Variants in PCDHGB3 observed in about 807,000 individuals in gnomAD.
PCDHGB3 encodes the protein protocadherin gamma subfamily B, 3, also known as protocadherin gamma-B3.
PCDHGB3 carries 40 observed loss-of-function variants against 59.2 expected under a neutral mutation model. That is an observed-to-expected ratio of 0.68 (90% CI 0.52 to 0.88). PCDHGB3 has a LOEUF of 0.88. Ranked by LOEUF, PCDHGB3 falls within the 40% of genes least tolerant of loss-of-function variation. The pLI, the probability that PCDHGB3 is intolerant of heterozygous loss-of-function variation, is 0.00. For synonymous variants in PCDHGB3, 581 were observed against 503.6 expected (o/e 1.15, Z -2.06); for missense variants, 1,309 against 1,187.9 (o/e 1.10, Z -1.50).
In PCDHGB3 at chr5:141,493,164, T is replaced by C. The variant is rs558860783; in HGVS notation, c.2416-1643T>C. Among the ~76,000 whole-genome samples the C allele has an allele frequency of 4.6e-5, 7 of 152,340 alleles. 1 individual carries two copies. The South Asian group carries it at 1.2e-3, about 27-fold the overall frequency. On this transcript the variant is annotated intron_variant, in intron 1 of 3. Coordinates refer to ENST00000576222, the MANE Select transcript of PCDHGB3 (RefSeq NM_018924.5). The surrounding 1 kb of genome is among the most constrained non-coding windows in gnomAD (Gnocchi z 4.3). Reference sequence around the variant, plus strand: ...ACCCCCAGGTGATTTTGATAGCTGATTGAGAGAAACTTACTATATAACTCC... The same window carrying C: ...ACCCCCAGGTGATTTTGATAGCTGACTGAGAGAAACTTACTATATAACTCC...
rs564439931 is a variant in PCDHGB3 at position 141,490,480 on chromosome 5, C to T, written c.2416-4327C>T. On this transcript the variant is annotated intron_variant, in intron 1 of 3. Coordinates refer to ENST00000576222, the MANE Select transcript of PCDHGB3 (RefSeq NM_018924.5). The surrounding 1 kb of genome is among the most constrained non-coding windows in gnomAD (Gnocchi z 5.4). ...GCTGCTAACCAGCCAGCCTTTGGAC[C>T]GGGAGGCCACATCCCACTATATCAT... The T allele has an allele frequency of 3.5e-5, 56 of 1,614,194 alleles. No individual in the cohort carries two copies. Among genetic ancestry groups the T allele is most frequent in the Admixed American group, 1.5e-4 (9 of 60,022 alleles).
chr5:141,455,477 C>A (rs557286491), intron 1 of PCDHGB3, among the ~76,000 whole-genome samples: 15 of 152,252 alleles, frequency 9.9e-5, no homozygotes, highest in African/African-American at 2.9e-4. Flanking sequence ...TATGCAGAGG[C>A]TGGTGGAGGT....
At chr5:141,430,817 C>T (rs200369093) in intron 1 of PCDHGB3, 2 of 1,539,796 alleles carry the variant, frequency 1.3e-6, no homozygotes, top group Non-Finnish European at 1.7e-6. Flanking sequence ...GGGAATCCTC[C>T]TGGGGACTCT....
At chr5:141,455,020 G>A (rs201196115) in intron 1 of PCDHGB3, among the ~76,000 whole-genome samples, 1 of 151,166 alleles carries the variant, frequency 6.6e-6, no homozygotes, top group African/African-American at 2.4e-5. Context: ...CACCGTGTTA[G>A]CCAGGATGGT....
chr5:141,506,216 T>A (rs2237080), intron 3 of PCDHGB3, among the ~76,000 whole-genome samples: 78,167 of 151,604 alleles, frequency 0.52, 20,820 homozygotes, highest in African/African-American at 0.63. Flanking sequence ...TTTGGGAAGC[T>A]GAGGCAGGAG....
chr5:141,473,274 TA>T (rs2099318463), intron 1 of PCDHGB3, among the ~76,000 whole-genome samples: 1 of 152,210 alleles, frequency 6.6e-6, no homozygotes, highest in South Asian at 2.1e-4. Context: ...ATGCTATGAT[TA>T]TTTTACTATG....
chr5:141,414,649 AT>A (rs1410490912), intron 1 of PCDHGB3: 15 of 1,613,914 alleles, frequency 9.3e-6, no homozygotes, highest in Non-Finnish European at 1.3e-5. Context: ...TGCCCAGATT[AT>A]TTACTCCCTG....
In PCDHGB3 at chr5:141,486,913, G is replaced by A. The variant is rs2099636995; in HGVS notation, c.2416-7894G>A. ...CTGGTTCCTTATGTCCCCAAGCACT[G>A]CCTCCATCAGTTGGTGCTGGCCACC... On this transcript the variant is annotated intron_variant, in intron 1 of 3. Transcript: ENST00000576222. The surrounding 1 kb of genome is among the most constrained non-coding windows in gnomAD (Gnocchi z 5.0). The A allele has an allele frequency of 1.9e-6, 3 of 1,614,092 alleles. No individual in the cohort carries two copies. The highest frequency in any genetic ancestry group is 1.3e-5 in the African/African-American group (1 of 74,938).
intron 1 of PCDHGB3, among the ~76,000 whole-genome samples, chr5:141,381,826 C>CTTCT (rs1777532522): frequency 2.0e-4 from 15 of 74,296 alleles, no homozygotes; most frequent in South Asian, 5.2e-4. Context: ...CTTTCTTCTT[C>CTTCT]TTTTTTTTTT....
At chr5:141,492,834 G>A (rs544218873) in intron 1 of PCDHGB3, among the ~76,000 whole-genome samples, 7 of 152,214 alleles carry the variant, frequency 4.6e-5, no homozygotes, top group African/African-American at 1.7e-4. Context: ...CCTTCCTCCC[G>A]CAGGAAGTGA....
chr5:141,490,497 C>T lies in PCDHGB3; in HGVS notation c.2416-4310C>T. 8 of 1,614,196 alleles carry T rather than the reference C, an allele frequency of 5.0e-6. No individual in the cohort carries two copies. Among genetic ancestry groups the T allele is most frequent in the Non-Finnish European group, 6.8e-6 (8 of 1,180,038 alleles). ...CTTTGGACCGGGAGGCCACATCCCACTATATCATCGAGCTGCTGGCCAGCG... is the reference window on the plus strand; with the variant it reads ...CTTTGGACCGGGAGGCCACATCCCATTATATCATCGAGCTGCTGGCCAGCG... On this transcript the variant is annotated intron_variant, in intron 1 of 3. Transcript: ENST00000576222. The surrounding 1 kb of genome is among the most constrained non-coding windows in gnomAD (Gnocchi z 5.4).
intron 2 of PCDHGB3, among the ~76,000 whole-genome samples, chr5:141,497,894 A>AG (rs1562181617): frequency 2.0e-5 from 3 of 152,186 alleles, no homozygotes; most frequent in Admixed American, 6.5e-5. Context: ...GATCTAGTCC[A>AG]GTAACTTCAA....
At chr5:141,506,609 T>C (rs1375963880) in intron 3 of PCDHGB3, among the ~76,000 whole-genome samples, 1 of 152,184 alleles carries the variant, frequency 6.6e-6, no homozygotes, top group African/African-American at 2.4e-5. Context: ...GATCTCATTG[T>C]GGTGTTACCA....
chr5:141,392,785 T>G (rs1329989423), intron 1 of PCDHGB3: 2 of 1,549,000 alleles, frequency 1.3e-6, no homozygotes, highest in African/African-American at 2.7e-5. Flanking sequence ...ACAGTGAAGA[T>G]TCTGAGAGGA....
chr5:141,383,435 C>T (rs749433529), intron 1 of PCDHGB3: 1 of 1,613,988 alleles, frequency 6.2e-7, no homozygotes, highest in Non-Finnish European at 8.5e-7. Context: ...CGCCACTTCT[C>T]CCTGGCTGTG....
chr5:141,384,998 T>A, intron 1 of PCDHGB3: 1 of 1,614,130 alleles, frequency 6.2e-7, no homozygotes, highest in East Asian at 2.2e-5. Flanking sequence ...GTGGCCACAG[T>A]CTCCTGCGTC....
chr5:141,384,769 G>C (rs778610936), intron 1 of PCDHGB3: 1 of 1,613,914 alleles, frequency 6.2e-7, no homozygotes, highest in Non-Finnish European at 8.5e-7. Context: ...GCTGTACACG[G>C]GCGAGGTGCG....
At position 141,490,406 on chromosome 5, in the gene PCDHGB3, T is replaced by G; in HGVS notation, c.2416-4401T>G. On this transcript the variant is annotated intron_variant, in intron 1 of 3. Transcript: ENST00000576222. This position sits in a 1 kb window ranked among gnomAD's most constrained non-coding sequence, Gnocchi z 5.4. ...AGAAATGGTGAAGTGAGCCTTGATA[T>G]CTCTCCGGACCTGCCATTTCAGATT... is the stretch of plus-strand genomic sequence containing the variant. The G allele has an allele frequency of 1.9e-6, 3 of 1,614,112 alleles. No individual in the cohort carries two copies. Among genetic ancestry groups the G allele is most frequent in the Non-Finnish European group, 2.5e-6 (3 of 1,180,020 alleles).
intron 1 of PCDHGB3, among the ~76,000 whole-genome samples, chr5:141,467,735 C>T (rs557555571): frequency 3.3e-5 from 5 of 152,182 alleles, no homozygotes; most frequent in East Asian, 3.9e-4. Flanking sequence ...AATCCCAGCT[C>T]GCTGCAACCT....
Sources: gnomAD v4.1 joint callset for allele counts (sites outside exome capture counted in the v4.1 genomes callset) on GRCh38, gnomAD v4.1.1 for gene constraint, Gnocchi (gnomAD v3.1) non-coding constraint, MANE v1.5 for transcripts, NCBI Gene and HGNC (gene_info 2026-07-23, HGNC 2026-07-21) for gene names.